LRRC75B: variants seen among roughly 807,000 people sequenced by gnomAD.
LRRC75B encodes leucine rich repeat containing 75B.
LRRC75B carries 20 observed loss-of-function variants against 16.5 expected under a neutral mutation model. The ratio of observed to expected loss-of-function variants is 1.21; its 90% confidence interval spans 0.85 to 1.76. The LOEUF (loss-of-function observed/expected upper bound fraction) is 1.76, where lower values mean the gene tolerates loss of function less well. Among genes scored for constraint, LRRC75B ranks in the 40% most tolerant of loss-of-function variants. The pLI, the probability that LRRC75B is intolerant of heterozygous loss-of-function variation, is 0.00. For synonymous variants in LRRC75B, 199 were observed against 198.1 expected, an observed-to-expected ratio of 1.00 and a Z score of -0.04; for missense variants, 406 against 417.0, an observed-to-expected ratio of 0.97 and a Z score of 0.23.
At chr22:24,588,144 G>T in intron 3 of LRRC75B, 70 bp downstream of exon 3, 2 of 1,190,942 alleles carry the variant, frequency 1.7e-6, no homozygotes, top group Non-Finnish European at 2.5e-6. Flanking sequence ...CTTGGTGAGA[G>T]TGCAGGTGTC....
At chr22:24,589,325 A>G (rs1269269191) in intron 2 of LRRC75B, 4 of 1,175,892 alleles carry the variant, frequency 3.4e-6, no homozygotes, top group Non-Finnish European at 1.1e-6. Flanking sequence ...GGCCTTGCTT[A>G]TGACCCCAGC....
chr22:24,588,954 G>T (rs904533076), intron 2 of LRRC75B: 17 of 1,007,432 alleles, frequency 1.7e-5, no homozygotes, highest in Non-Finnish European at 2.0e-5. Flanking sequence ...CTGGCACTGA[G>T]CATGCTCCAC....
rs1272186695 is a variant in LRRC75B at position 24,592,128 on chromosome 22, CG to C, written c.177+734del. 8.0e-6 allele frequency: 3 copies of C among 375,722 alleles called. No individual in the cohort carries two copies. The Admixed American group carries it at 9.2e-5, about 12-fold the overall frequency. 23.3% of individuals were successfully genotyped at this position (375,722 alleles called of 1,614,324 possible). ...TGGTAGCTGCTGTAGGGGGTGGGGA[CG>C]GGGTGGTGAGGGAAGTGGCATGCCC... On this transcript the variant is annotated intron_variant, in intron 1 of 3. Transcript: ENST00000318753.
intron 3 of LRRC75B, among the ~76,000 whole-genome samples, chr22:24,587,349 C>T (rs1283461070): frequency 6.6e-6 from 1 of 152,200 alleles, no homozygotes; most frequent in Non-Finnish European, 1.5e-5. Flanking sequence ...CCCCCGCCCC[C>T]ACCAACCCTC....
chr22:24,591,059 G>A (rs924485443), intron 1 of LRRC75B, among the ~76,000 whole-genome samples: 1 of 152,216 alleles, frequency 6.6e-6, no homozygotes, highest in Non-Finnish European at 1.5e-5. Context: ...CAGGACTGGT[G>A]TGGGGCTGAA....
intron 1 of LRRC75B, among the ~76,000 whole-genome samples, chr22:24,591,255 T>C (rs2045558991): frequency 6.6e-6 from 1 of 152,214 alleles, no homozygotes; most frequent in African/African-American, 2.4e-5. Context: ...AATTTTGTAT[T>C]TTTAGCAGGG....
At chr22:24,586,539 C>G in intron 3 of LRRC75B, 128 bp from the exon 4 acceptor site, 1 of 1,066,562 alleles carries the variant, frequency 9.4e-7, no homozygotes, top group East Asian at 2.4e-5. Flanking sequence ...CTGTGTCTTT[C>G]GTATTTTTTG....
intron 1 of LRRC75B, among the ~76,000 whole-genome samples, chr22:24,591,970 C>T (rs1177188737): frequency 2.0e-5 from 3 of 152,216 alleles, no homozygotes; most frequent in Admixed American, 2.0e-4. Context: ...CCCTGGCTTG[C>T]CCCACATTTT....
chr22:24,588,482 C>A, intron 2 of LRRC75B, 153 bp from the exon 3 acceptor site: 1 of 766,590 alleles, frequency 1.3e-6, no homozygotes, highest in Non-Finnish European at 2.1e-6. Flanking sequence ...CCCTCCTACC[C>A]CCCAACCCGG....
intron 3 of LRRC75B, among the ~76,000 whole-genome samples, 154 bp from the exon 4 acceptor site, chr22:24,586,565 C>T (rs913901276): frequency 6.6e-6 from 1 of 152,228 alleles, no homozygotes; most frequent in African/African-American, 2.4e-5. Flanking sequence ...AAGTTTCGCT[C>T]TTTTTGTCCA....
intron 2 of LRRC75B, chr22:24,589,505 G>A: frequency 1.9e-6 from 1 of 520,560 alleles, no homozygotes; most frequent in Non-Finnish European, 2.7e-6. Flanking sequence ...GTGACCCGCA[G>A]GGTCCCCATA....
chr22:24,588,964 C>A, intron 2 of LRRC75B: 1 of 1,009,374 alleles, frequency 9.9e-7, no homozygotes. Context: ...GCATGCTCCA[C>A]TGCATCCTTT....
At chr22:24,588,710 G>A (rs771450979) in intron 2 of LRRC75B, 16 of 1,078,984 alleles carry the variant, frequency 1.5e-5, no homozygotes, top group South Asian at 8.9e-5. Context: ...CAGGCCCCTC[G>A]AGGGAGCCGT....
rs1258489025 is a variant in LRRC75B, at chr22:24,585,731, C to T, written c.*155G>A. On this transcript the variant is annotated 3_prime_UTR_variant, in exon 4 of 4. Transcript: ENST00000318753. ...CCTCTAGCCAGGGCTGGCCACCTGG[C>T]CACCTATGAGTCCATTCTTCTGTCC... The T allele has an allele frequency of 1.1e-6, 1 of 905,092 alleles. No individual in the cohort carries two copies. The allele number at this position is 905,092 out of a possible 1,614,324, so 56.1% of individuals were successfully genotyped here. A position where few individuals can be genotyped will look rare whatever the true frequency, so the allele number is the denominator to read the frequency against.
chr22:24,588,235 C>CTTCA lies in LRRC75B; in HGVS notation c.400_401insTGAA (p.Arg134LeufsTer62). On this transcript the variant is annotated frameshift_variant, in exon 3 of 4. Coordinates refer to ENST00000318753, the MANE Select transcript of LRRC75B (RefSeq NM_207644.3). LOFTEE classifies it low-confidence loss of function (END_TRUNC). ...TTACCAGCTCTGGGTCTTCCTCTGG[C>CTTCA]GCAGGCTGGACCCTTGCTGCTGCTT... 1 of 1,613,146 alleles carries CTTCA rather than the reference C, an allele frequency of 6.2e-7. No individual in the cohort carries two copies. The highest frequency in any genetic ancestry group is 2.2e-5 in the East Asian group (1 of 44,876).
intron 3 of LRRC75B, among the ~76,000 whole-genome samples, chr22:24,587,281 T>G (rs530838412): frequency 1.3e-5 from 2 of 152,236 alleles, no homozygotes; most frequent in East Asian, 3.9e-4. Flanking sequence ...GGGCCGGCCA[T>G]GAGGGAGGGC....
At chr22:24,590,878 G>A (rs1045252482) in intron 1 of LRRC75B, among the ~76,000 whole-genome samples, 7 of 152,070 alleles carry the variant, frequency 4.6e-5, no homozygotes, top group Non-Finnish European at 7.4e-5. Context: ...GCACTCTTCC[G>A]TCCTCCTCTC....
At chr22:24,589,640 T>C in intron 2 of LRRC75B, 181 bp downstream of exon 2, 2 of 712,118 alleles carry the variant, frequency 2.8e-6, no homozygotes, top group South Asian at 4.2e-5. Flanking sequence ...ACACTTGCTC[T>C]AGCTGGTGGC....
intron 3 of LRRC75B, 21 bp downstream of exon 3, chr22:24,588,193 C>T: frequency 6.4e-7 from 1 of 1,567,788 alleles, no homozygotes; most frequent in Non-Finnish European, 8.8e-7. Flanking sequence ...TGAGGAGGGG[C>T]AGTGGCTGGG....
Sources: gnomAD v4.1 joint callset for allele counts (sites outside exome capture counted in the v4.1 genomes callset) on GRCh38, gnomAD v4.1.1 for gene constraint, MANE v1.5 for transcripts, NCBI Gene and HGNC (gene_info 2026-07-23, HGNC 2026-07-21) for gene names.